The following BMPR1B variants were observed in gnomAD, a reference collection of about 807,000 sequenced individuals.
BMPR1B encodes bone morphogenetic protein receptor type-1B.
A neutral mutation model predicts 59.1 loss-of-function variants in BMPR1B; 12 were observed. That is an observed-to-expected ratio of 0.20 (90% CI 0.13 to 0.33). BMPR1B has a LOEUF of 0.33. Ranked by LOEUF, BMPR1B falls within the 10% of genes least tolerant of loss-of-function variation. The pLI is 1.00. For synonymous variants in BMPR1B, 237 were observed against 207.3 expected (o/e 1.14, Z -1.23); for missense variants, 550 against 610.9 (o/e 0.90, Z 1.05).
In BMPR1B at chr4:95,104,516, G is replaced by A. The variant is rs200035802; in HGVS notation, c.92G>A (p.Arg31His). The part of the protein sequence containing the change: ...TAPTPRPKVL[R>H]CKCHHHCPED... The stretch of plus-strand genomic sequence containing the variant: ...CCCACCCCCCGTCCAAAGGTCTTGC[G>A]TTGTAAATGCCACCACCATTGTCCA... Residue 31 changes from arginine to histidine, a missense_variant, in exon 4 of 13, where the codon CGT becomes CAT. Coordinates refer to ENST00000515059, the MANE Select transcript of BMPR1B (RefSeq NM_001203.3). 1.1e-4 allele frequency: 181 copies of A among 1,613,436 alleles called. No homozygotes were observed. Among genetic ancestry groups the A allele is most frequent in the East Asian group, 1.1e-3 (48 of 44,850 alleles).
At chr4:95,028,722 A>G (rs1390520095) in intron 3 of BMPR1B, among the ~76,000 whole-genome samples, 3 of 152,168 alleles carry the variant, frequency 2.0e-5, no homozygotes, top group African/African-American at 4.8e-5. Context: ...TGGTAGATGT[A>G]TGCCTCTAAA....
intron 3 of BMPR1B, chr4:95,091,484 G>A: frequency 1.0e-6 from 1 of 985,300 alleles, no homozygotes; most frequent in Non-Finnish European, 1.2e-6. Context: ...CTTAACTGCT[G>A]AATAACATAT....
At chr4:94,834,638 G>C (rs1343968131) in intron 1 of BMPR1B, among the ~76,000 whole-genome samples, 1 of 133,896 alleles carries the variant, frequency 7.5e-6, no homozygotes, top group East Asian at 1.9e-4. Context: ...CTAGGAGATT[G>C]AGGATTGGTG....
intron 1 of BMPR1B, among the ~76,000 whole-genome samples, chr4:94,791,446 A>G (rs913668641): frequency 3.9e-5 from 6 of 152,208 alleles, no homozygotes; most frequent in Non-Finnish European, 7.3e-5. Context: ...TTTATAGAAT[A>G]TTTAAATACA....
At chr4:94,877,853 A>G (rs1192750741) in intron 2 of BMPR1B, among the ~76,000 whole-genome samples, 1 of 152,196 alleles carries the variant, frequency 6.6e-6, no homozygotes, top group East Asian at 1.9e-4. Flanking sequence ...TTTATTAGTG[A>G]AAATAATCTA....
chr4:94,993,669 G>C (rs1449514069), intron 2 of BMPR1B, among the ~76,000 whole-genome samples: 1 of 150,100 alleles, frequency 6.7e-6, no homozygotes, highest in Non-Finnish European at 1.5e-5. Flanking sequence ...GCCTAGGTAG[G>C]AGAATTGCCT....
At chr4:95,054,316 A>T (rs1368135792) in intron 3 of BMPR1B, among the ~76,000 whole-genome samples, 1 of 152,170 alleles carries the variant, frequency 6.6e-6, no homozygotes, top group Non-Finnish European at 1.5e-5. Context: ...TGACTCATCA[A>T]CCTAAATCTT....
intron 1 of BMPR1B, among the ~76,000 whole-genome samples, chr4:94,840,772 C>T (rs907098893): frequency 3.4e-5 from 5 of 148,902 alleles, no homozygotes; most frequent in African/African-American, 9.9e-5. Context: ...TTGTCAAAGT[C>T]GTTCTCCGTC....
At chr4:95,140,938 T>C in intron 10 of BMPR1B, among the ~76,000 whole-genome samples, 1 of 152,148 alleles carries the variant, frequency 6.6e-6, no homozygotes, top group African/African-American at 2.4e-5. Context: ...ATACAAACCC[T>C]GATTCTAGGA....
intron 2 of BMPR1B, among the ~76,000 whole-genome samples, chr4:94,936,457 T>C (rs1330994344): frequency 6.6e-6 from 1 of 152,148 alleles, no homozygotes; most frequent in African/African-American, 2.4e-5. Flanking sequence ...TGAACAGGTA[T>C]GTTTGCAGCT....
At chr4:95,022,490 T>G (rs6815044) in intron 3 of BMPR1B, among the ~76,000 whole-genome samples, 1 of 151,876 alleles carries the variant, frequency 6.6e-6, no homozygotes, top group Non-Finnish European at 1.5e-5. Flanking sequence ...TCTCTGAATT[T>G]TGGTAGATGT....
At chr4:95,130,189 A>C in intron 9 of BMPR1B, 135 bp downstream of exon 9, 1 of 1,048,766 alleles carries the variant, frequency 9.5e-7, no homozygotes, top group Non-Finnish European at 1.4e-6. Flanking sequence ...CATGGGCCCA[A>C]GAACATCATA....
chr4:94,780,208 C>G (rs1394743814), intron 1 of BMPR1B, among the ~76,000 whole-genome samples: 1 of 152,110 alleles, frequency 6.6e-6, no homozygotes, highest in Non-Finnish European at 1.5e-5. Flanking sequence ...TCAGTAGCCA[C>G]TAATCTAGTT....
rs1195064268 is a variant in BMPR1B, at chr4:94,949,365, G to A, written c.-112-46675G>A. Among the ~76,000 whole-genome samples the A allele has an allele frequency of 6.7e-5, 5 of 75,084 alleles. No individual in the cohort carries two copies. The East Asian group carries it at 7.2e-4, about 11-fold the overall frequency. 49.3% of individuals were successfully genotyped at this position (75,084 alleles called of 152,430 possible). On this transcript the variant is annotated intron_variant, in intron 2 of 12. Transcript: ENST00000515059. Reference sequence around the variant, plus strand: ...CGCTCTGTCGCCCAGGCCGGACTGCGGACTGCAGTGGCGCAATCTCGGCTC... The same window carrying A: ...CGCTCTGTCGCCCAGGCCGGACTGCAGACTGCAGTGGCGCAATCTCGGCTC...
Position 94,935,481 on chromosome 4 carries a change from T to A in BMPR1B, c.-113+59581T>A, listed in dbSNP as rs10032844. Among the ~76,000 whole-genome samples, 1,122 of 152,288 alleles carry A rather than the reference T, an allele frequency of 7.4e-3. 15 individuals are homozygous for A. The highest frequency in any genetic ancestry group is 0.026 in the African/African-American group (1,076 of 41,562). On this transcript the variant is annotated intron_variant, in intron 2 of 12. Coordinates refer to ENST00000515059, the MANE Select transcript of BMPR1B (RefSeq NM_001203.3). Reference sequence around the variant, plus strand: ...GGGCATTTTCCATCCCTCCTACAGCTTGCCTTTCAGTAGTGGAAGTCACAC... The same window carrying A: ...GGGCATTTTCCATCCCTCCTACAGCATGCCTTTCAGTAGTGGAAGTCACAC...
chr4:94,804,701 C>T (rs1723542736), intron 1 of BMPR1B, among the ~76,000 whole-genome samples: 2 of 140,582 alleles, frequency 1.4e-5, no homozygotes, highest in Non-Finnish European at 3.0e-5. Flanking sequence ...TTGAACTGAA[C>T]ACCAGGTAAA....
chr4:95,083,954 A>G (rs1192834370), intron 3 of BMPR1B, among the ~76,000 whole-genome samples: 1 of 152,190 alleles, frequency 6.6e-6, no homozygotes, highest in Non-Finnish European at 1.5e-5. Flanking sequence ...GATTAGTTTA[A>G]TTTTGGAAAT....
chr4:94,937,268 C>A (rs921391384), intron 2 of BMPR1B, among the ~76,000 whole-genome samples: 1 of 152,080 alleles, frequency 6.6e-6, no homozygotes, highest in Non-Finnish European at 1.5e-5. Context: ...TGACCTGTAT[C>A]TTTTTTCTGT....
At chr4:95,144,778 C>A (rs1340211001) in intron 10 of BMPR1B, among the ~76,000 whole-genome samples, 1 of 152,134 alleles carries the variant, frequency 6.6e-6, no homozygotes, top group Admixed American at 6.5e-5. Flanking sequence ...AACCATTCTC[C>A]ATGGGAAAGA....
Sources: allele counts gnomAD v4.1 joint callset (sites outside exome capture counted in the v4.1 genomes callset), GRCh38; gene constraint gnomAD v4.1.1; transcripts MANE v1.5; gene names NCBI Gene and HGNC (gene_info 2026-07-23, HGNC 2026-07-21).